The following CELF1 variants were observed in gnomAD, a reference collection of about 807,000 sequenced individuals.
CELF1 encodes 50 kDa nuclear polyadenylated RNA-binding protein.
In CELF1, 10 loss-of-function variants were observed where a neutral mutation model predicts 61.8. The ratio of observed to expected loss-of-function variants is 0.16; its 90% CI spans 0.10 to 0.27. The LOEUF is 0.27. Among genes scored for constraint, CELF1 ranks in the 10% least tolerant of loss-of-function variants. CELF1 has a pLI of 1.00. For synonymous variants in CELF1, 236 were observed against 225.1 expected (o/e 1.05, Z -0.43); for missense variants, 380 against 639.1 (o/e 0.59, Z 4.37).
At chr11:47,558,705 A>ATATT (rs1340656522) in intron 2 of CELF1, among the ~76,000 whole-genome samples, 3 of 107,914 alleles carry the variant, frequency 2.8e-5, no homozygotes, top group African/African-American at 8.1e-5. Flanking sequence ...TATATGTCAT[A>ATATT]ATATATAATA....
intron 1 of CELF1, among the ~76,000 whole-genome samples, chr11:47,529,046 A>G (rs1261604104): frequency 1.3e-5 from 2 of 151,592 alleles, no homozygotes; most frequent in Non-Finnish European, 2.9e-5. Context: ...AACTGAGTAC[A>G]GATGTGTGCC....
chr11:47,519,562 T>C (rs1012660713), intron 1 of CELF1, among the ~76,000 whole-genome samples: 1 of 152,096 alleles, frequency 6.6e-6, no homozygotes, highest in Non-Finnish European at 1.5e-5. Flanking sequence ...CACTCTGCAA[T>C]TGTGCTCCTA....
chr11:47,549,251 A>G (rs117719001), intron 1 of CELF1, among the ~76,000 whole-genome samples: 1 of 152,356 alleles, frequency 6.6e-6, no homozygotes, highest in Non-Finnish European at 1.5e-5. Flanking sequence ...CCAGTGGCCT[A>G]GATTCTTTCA....
chr11:47,543,500 G>A (rs892883377), intron 1 of CELF1, among the ~76,000 whole-genome samples: 12 of 152,172 alleles, frequency 7.9e-5, no homozygotes, highest in Admixed American at 3.3e-4. Flanking sequence ...CCACAGCACA[G>A]CAGAGGTTAA....
chr11:47,545,850 CGTGTGTGTGTGTGTGTCTGCGTGTGTGT>C lies in CELF1; in HGVS notation c.-154+7114_-154+7141del, dbSNP rs1453277406. Among the ~76,000 whole-genome samples the C allele has an allele frequency of 0.015, 1,905 of 123,998 alleles. 118 individuals carry two copies. The East Asian group carries it at 0.18, about 12-fold the overall frequency. The allele number at this position is 123,998 out of a possible 152,430, so 81.3% of individuals were successfully genotyped here. ...CCAGCCCCTCTCTCTCATATGTATA[CGTGTGTGTGTGTGTGTCTGCGTGTGTGT>C]GTGTGTGTGTGTGTGTGTGTGTGTG... On this transcript the variant is annotated intron_variant, in intron 1 of 14. Coordinates refer to ENST00000687097, the MANE Select transcript of CELF1 (RefSeq NM_001376376.1).
At chr11:47,508,925 A>G (rs2094795738) in intron 1 of CELF1, among the ~76,000 whole-genome samples, 1 of 152,024 alleles carries the variant, frequency 6.6e-6, no homozygotes, top group South Asian at 2.1e-4. Context: ...ATGCGCCACC[A>G]TGCCCAGCTA....
chr11:47,527,530 C>T lies in CELF1; in HGVS notation c.-154+25462G>A, dbSNP rs573308851. 7.9e-5 allele frequency among the ~76,000 whole-genome samples: 12 copies of T among 152,060 alleles called. No homozygotes were observed. The South Asian group carries it at 2.5e-3, about 32-fold the overall frequency. ...CTTGAGATCAGGAGTTCAAGTACACCCTGGGCAACACAGACCCTGTCTCTA... is the reference window on the plus strand; with the variant it reads ...CTTGAGATCAGGAGTTCAAGTACACTCTGGGCAACACAGACCCTGTCTCTA... On this transcript the variant is annotated intron_variant, in intron 1 of 14. Coordinates refer to ENST00000687097, the MANE Select transcript of CELF1 (RefSeq NM_001376376.1).
intron 3 of CELF1, among the ~76,000 whole-genome samples, chr11:47,499,103 T>C (rs1310974592): frequency 1.3e-5 from 2 of 152,186 alleles, no homozygotes; most frequent in East Asian, 1.9e-4. Flanking sequence ...TATTTGAAAT[T>C]GCATGTCCAA....
intron 1 of CELF1, among the ~76,000 whole-genome samples, chr11:47,521,051 T>A (rs1276226687): frequency 6.6e-6 from 1 of 151,954 alleles, no homozygotes; most frequent in African/African-American, 2.4e-5. Flanking sequence ...GGAGATCGAG[T>A]CCATCCTGGC....
upstream of CELF1, among the ~76,000 whole-genome samples, chr11:47,555,999 CA>C (rs34873224): frequency 0.11 from 5,741 of 53,420 alleles, 70 homozygotes; most frequent in Middle Eastern, 0.14. Context: ...GACTCTGTCT[CA>C]AAAAAAAAAA....
chr11:47,487,670 C>T (rs2088352411), intron 4 of CELF1, among the ~76,000 whole-genome samples: 1 of 152,196 alleles, frequency 6.6e-6, no homozygotes, highest in Non-Finnish European at 1.5e-5. Context: ...AAACCACTCC[C>T]TACTTCGTAG....
intron 3 of CELF1, among the ~76,000 whole-genome samples, chr11:47,489,935 G>GTTTTTGTTTTTTTTTTTTTTTTTTTTT (rs1555170253): frequency 2.1e-5 from 1 of 48,226 alleles, no homozygotes; most frequent in African/African-American, 7.8e-5. Flanking sequence ...ATACCATCTT[G>GTTTTTGTTTTTTTTTTTTTTTTTTTTT]TTTTTTTTTT....
chr11:47,489,935 G>GTTTTTTTTGTTT (rs2090264572), intron 3 of CELF1, among the ~76,000 whole-genome samples: 1 of 48,226 alleles, frequency 2.1e-5, no homozygotes, highest in African/African-American at 7.8e-5. Context: ...ATACCATCTT[G>GTTTTTTTTGTTT]TTTTTTTTTT....
intron 13 of CELF1, among the ~76,000 whole-genome samples, chr11:47,474,801 C>G (rs1365456650): frequency 2.0e-5 from 3 of 152,178 alleles, no homozygotes; most frequent in Admixed American, 2.0e-4. Flanking sequence ...GCTAAAGAGT[C>G]TCTCCTATTT....
chr11:47,518,188 C>T (rs976527151), intron 1 of CELF1, among the ~76,000 whole-genome samples: 11 of 152,172 alleles, frequency 7.2e-5, no homozygotes, highest in Non-Finnish European at 1.0e-4. Flanking sequence ...TGGAAACTGC[C>T]ATTGTCCAGG....
chr11:47,510,976 G>A (rs990971135), intron 1 of CELF1, among the ~76,000 whole-genome samples: 7 of 151,890 alleles, frequency 4.6e-5, no homozygotes, highest in African/African-American at 1.7e-4. Context: ...GAGCCCACAA[G>A]TTTGAGACCA....
At chr11:47,531,630 T>C (rs1396811914) in intron 1 of CELF1, among the ~76,000 whole-genome samples, 1 of 152,196 alleles carries the variant, frequency 6.6e-6, no homozygotes, top group East Asian at 1.9e-4. Flanking sequence ...AAGCTCACTT[T>C]TGTATAGATA....
intron 1 of CELF1, among the ~76,000 whole-genome samples, chr11:47,519,013 A>G (rs918187622): frequency 6.6e-6 from 1 of 152,158 alleles, no homozygotes; most frequent in Admixed American, 6.5e-5. Context: ...TAATTCTATA[A>G]AACTAGAGAA....
In CELF1 at chr11:47,476,910, G is replaced by A; in HGVS notation, c.1023C>T (p.Ala341=). 1 of 1,614,232 alleles carries A rather than the reference G, an allele frequency of 6.2e-7. No individual in the cohort carries two copies. Among genetic ancestry groups the A allele is most frequent in the Non-Finnish European group, 8.5e-7 (1 of 1,180,030 alleles). The part of the protein sequence containing the change: ...SSSSNSVNPI[A]SLGALQTLAG... ...CTAATGTCTGCAGGGCTCCAAGTGA[G>A]GCTATGGGGTTGACAGAATTACTGC... The change falls in exon 12 of 15, where the codon GCC becomes GCT. Residue 341 remains alanine, a synonymous_variant. Transcript: ENST00000687097.
Sources: gnomAD v4.1 joint callset for allele counts (sites outside exome capture counted in the v4.1 genomes callset) on GRCh38, gnomAD v4.1.1 for gene constraint, MANE v1.5 for transcripts, NCBI Gene and HGNC (gene_info 2026-07-23, HGNC 2026-07-21) for gene names.